The following NT5C1A variants were observed in gnomAD, a reference collection of about 807,000 sequenced individuals.
NT5C1A encodes the protein cytosolic 5'-nucleotidase 1A.
NT5C1A carries 18 observed loss-of-function variants against 31.0 expected under a neutral mutation model. The ratio of observed to expected loss-of-function variants is 0.58; its 90% confidence interval spans 0.40 to 0.86. The LOEUF is 0.86. Among genes scored for constraint, NT5C1A ranks in the 40% least tolerant of loss-of-function variants. The pLI, the probability that NT5C1A is intolerant of heterozygous loss-of-function variation, is 0.00. For missense variants in NT5C1A, 470 were observed against 505.4 expected (o/e 0.93, Z 0.67); for synonymous variants, 185 against 203.6 (o/e 0.91, Z 0.78).
rs558498780 is a variant in NT5C1A, at chr1:39,666,512, T to C, written c.136-276A>G. On this transcript the variant is annotated intron_variant, in intron 1 of 5. Transcript: ENST00000235628. ...GGAGTTTGCAATCTAGCCAGGCATC[T>C]GGACACAAGAAAAAAATGAAGCCAA... Among the ~76,000 whole-genome samples, 12 of 152,320 alleles carry C rather than the reference T, an allele frequency of 7.9e-5. No individual in the cohort carries two copies. The South Asian group carries it at 2.3e-3, about 29-fold the overall frequency.
chr1:39,664,682 AG>A (rs1646512357), intron 3 of NT5C1A, among the ~76,000 whole-genome samples: 1 of 149,672 alleles, frequency 6.7e-6, no homozygotes, highest in South Asian at 2.1e-4. Context: ...TAGTAGAGAC[AG>A]GGTTTTACCA....
At chr1:39,670,355 C>T (rs976488834) in intron 1 of NT5C1A, among the ~76,000 whole-genome samples, 19 of 152,184 alleles carry the variant, frequency 1.2e-4, no homozygotes, top group Non-Finnish European at 2.4e-4. Flanking sequence ...AATCTCAAGA[C>T]GCTCTTTGAT....
Position 39,663,181 on chromosome 1 carries a change from G to A in NT5C1A, c.556+131C>T, listed in dbSNP as rs957893103. The A allele has an allele frequency of 2.9e-5, 28 of 970,108 alleles. No homozygotes were observed. The African/African-American group carries it at 4.0e-4, about 14-fold the overall frequency. 60.1% of individuals were successfully genotyped at this position (970,108 alleles called of 1,614,324 possible). A position where few individuals can be genotyped will look rare whatever the true frequency, so the allele number is the denominator to read the frequency against. On this transcript the variant is annotated intron_variant, in intron 4 of 5. Coordinates refer to ENST00000235628, the MANE Select transcript of NT5C1A (RefSeq NM_032526.3). The stretch of plus-strand genomic sequence containing the variant: ...GGACAGATTATAAGAATTAAGGAAA[G>A]TATTGCTCAGCCTTGCCTTCTAGTT...
At position 39,671,831 on chromosome 1, in the gene NT5C1A, C is replaced by T. The variant is rs975922295; in HGVS notation, c.135+73G>A. ...CCCAGAGGGGCGCCACGGGTCCCTTCCCAAGAGACTTATGACCCCTCCTCC... is the reference window on the plus strand; with the variant it reads ...CCCAGAGGGGCGCCACGGGTCCCTTTCCAAGAGACTTATGACCCCTCCTCC... On this transcript the variant is annotated intron_variant, in intron 1 of 5. Transcript: ENST00000235628. 1.0e-5 allele frequency: 16 copies of T among 1,581,450 alleles called. No individual in the cohort carries two copies. In the South Asian group the frequency reaches 1.2e-4, roughly 12 times the overall value.
At chr1:39,662,016 T>C (rs979225968) in intron 4 of NT5C1A, among the ~76,000 whole-genome samples, 1 of 152,138 alleles carries the variant, frequency 6.6e-6, no homozygotes, top group Non-Finnish European at 1.5e-5. Context: ...CCTGGGCTCC[T>C]CCAGGGGTCC....
In NT5C1A at chr1:39,655,551, G is replaced by A. The variant is rs1285484276; in HGVS notation, c.*3570C>T. On this transcript the variant is annotated 3_prime_UTR_variant, in exon 6 of 6. Transcript: ENST00000235628. ...GAAGACCTCAGAATGGAGCTTCTCT[G>A]GCTATCTCCATGCATATGTATGAGC... is the stretch of plus-strand genomic sequence containing the variant. Among the ~76,000 whole-genome samples the A allele has an allele frequency of 6.6e-6, 1 of 152,156 alleles. No homozygotes were observed. The highest frequency in any genetic ancestry group is 2.1e-4 in the South Asian group (1 of 4,810).
rs1380246323 is a variant in NT5C1A, at chr1:39,652,644, CA to C, written c.*6476del. On this transcript the variant is annotated 3_prime_UTR_variant, in exon 6 of 6. Transcript: ENST00000235628. Reference sequence around the variant, plus strand: ...GGCCATGAAGGCATATATTCACCCACAGGCCAGGAGTGTGGGAGTCAGTGAC... The same window carrying C: ...GGCCATGAAGGCATATATTCACCCACGGCCAGGAGTGTGGGAGTCAGTGAC... Among the ~76,000 whole-genome samples the C allele has an allele frequency of 2.0e-5, 3 of 152,150 alleles. No homozygotes were observed. Among genetic ancestry groups the C allele is most frequent in the Non-Finnish European group, 4.4e-5 (3 of 68,038 alleles).
At position 39,672,042 on chromosome 1, in the gene NT5C1A, C is replaced by G; in HGVS notation, c.-4G>C. The G allele has an allele frequency of 6.3e-7, 1 of 1,590,036 alleles. No homozygotes were observed. Among genetic ancestry groups the G allele is most frequent in the Non-Finnish European group, 8.5e-7 (1 of 1,174,626 alleles). ...CCCGGGGCTGCCCAGGTTCCATGCT[C>G]CGGCTCTGACCCGGCCCGGCCAGAG... On this transcript the variant is annotated 5_prime_UTR_variant, in exon 1 of 6. Transcript: ENST00000235628.
rs1646555832 is a variant in NT5C1A, at chr1:39,672,064, A to G, written c.-26T>C. The G allele has an allele frequency of 6.5e-7, 1 of 1,547,454 alleles. No homozygotes were observed. The highest frequency in any genetic ancestry group is 1.9e-5 in the Admixed American group (1 of 51,662). On this transcript the variant is annotated 5_prime_UTR_variant, in exon 1 of 6. Coordinates refer to ENST00000235628, the MANE Select transcript of NT5C1A (RefSeq NM_032526.3). ...GCTCCGGCTCTGACCCGGCCCGGCCAGAGCAGGCGGCGGCGTAGACGCGGA... is the reference window on the plus strand; with the variant it reads ...GCTCCGGCTCTGACCCGGCCCGGCCGGAGCAGGCGGCGGCGTAGACGCGGA...
At chr1:39,664,490 C>CCTCCTCCCCTCTCCTCTCCT (rs1553485420) in intron 3 of NT5C1A, among the ~76,000 whole-genome samples, 1 of 2,900 alleles carries the variant, frequency 3.4e-4, no homozygotes, top group African/African-American at 1.8e-3. Flanking sequence ...GTGGATTTCT[C>CCTCCTCCCCTCTCCTCTCCT]CTCCTCTCCT....
intron 5 of NT5C1A, among the ~76,000 whole-genome samples, chr1:39,660,676 A>G (rs1028366390): frequency 6.6e-6 from 1 of 152,032 alleles, no homozygotes; most frequent in Non-Finnish European, 1.5e-5. Context: ...AGGGTTCCAG[A>G]GAGAGAATGG....
At chr1:39,665,489 G>T in intron 3 of NT5C1A, 32 bp downstream of exon 3, 1 of 1,588,658 alleles carries the variant, frequency 6.3e-7, no homozygotes, top group Non-Finnish European at 8.6e-7. Flanking sequence ...GGTGTCCCAG[G>T]GCAAACCCCC....
rs1176997030 is a variant in NT5C1A at position 39,658,574 on chromosome 1, A to C, written c.*547T>G. Among the ~76,000 whole-genome samples the C allele has an allele frequency of 6.6e-6, 1 of 152,210 alleles. No individual in the cohort carries two copies. The highest frequency in any genetic ancestry group is 1.5e-5 in the Non-Finnish European group (1 of 68,042). ...TAATTTGCACAAAGGTGCCATACAT[A>C]CCAGCAGCAGCACTGACACAGAATG... On this transcript the variant is annotated 3_prime_UTR_variant, in exon 6 of 6. Coordinates refer to ENST00000235628, the MANE Select transcript of NT5C1A (RefSeq NM_032526.3).
chr1:39,665,735 G>A, intron 2 of NT5C1A, 85 bp from the exon 3 acceptor site: 1 of 1,379,362 alleles, frequency 7.2e-7, no homozygotes, highest in Non-Finnish European at 1.0e-6. Flanking sequence ...GAGGGGAGGT[G>A]AGGAGCCATG....
chr1:39,667,223 T>C (rs562130996), intron 1 of NT5C1A, among the ~76,000 whole-genome samples: 2 of 136,962 alleles, frequency 1.5e-5, no homozygotes, highest in African/African-American at 5.6e-5. Flanking sequence ...TTTTCTGAGA[T>C]GGAGTTTCAC....
In NT5C1A at chr1:39,656,716, C is replaced by G. The variant is rs774928745; in HGVS notation, c.*2405G>C. The stretch of plus-strand genomic sequence containing the variant: ...GCCGTCCCCAGTGCACAGGTCCACC[C>G]TGGTCAGTCAGCCTGTTGCCATGCT... On this transcript the variant is annotated 3_prime_UTR_variant, in exon 6 of 6. Transcript: ENST00000235628. Among the ~76,000 whole-genome samples the G allele has an allele frequency of 1.1e-4, 16 of 152,270 alleles. No individual in the cohort carries two copies. Among genetic ancestry groups the G allele is most frequent in the Non-Finnish European group, 1.8e-4 (12 of 68,046 alleles).
At chr1:39,659,536 T>C in intron 5 of NT5C1A, 50 bp from the exon 6 acceptor site, 1 of 1,514,708 alleles carries the variant, frequency 6.6e-7, no homozygotes, top group Non-Finnish European at 8.8e-7. Flanking sequence ...TCCTAAATAT[T>C]TGCCCCCTGC....
In NT5C1A at chr1:39,659,348, T is replaced by G; in HGVS notation, c.880A>C (p.Lys294Gln). The G allele has an allele frequency of 6.2e-7, 1 of 1,613,890 alleles. No individual in the cohort carries two copies. Among genetic ancestry groups the G allele is most frequent in the Non-Finnish European group, 8.5e-7 (1 of 1,180,016 alleles). The change falls in exon 6 of 6, where the codon AAG (lysine) becomes CAG (glutamine). Residue 294 changes from lysine to glutamine, a missense_variant. Physicochemically the swap from Lys to Gln is moderately conservative, Grantham distance 53. Transcript: ENST00000235628. ...TCCAGGCCCCAGCTGCGCAGGGTCT[T>G]GAGAGCCCGGGCCCCGGAACTGGCT... ...SAASSGARALKTLRSWGLETD... is the reference protein window; with the variant it reads ...SAASSGARALQTLRSWGLETD...
chr1:39,666,826 G>A (rs1365921286), intron 1 of NT5C1A, among the ~76,000 whole-genome samples: 1 of 152,130 alleles, frequency 6.6e-6, no homozygotes, highest in Non-Finnish European at 1.5e-5. Flanking sequence ...GCAAGGCTTA[G>A]AACCACTATC....
Sources: gnomAD v4.1 joint callset for allele counts (sites outside exome capture counted in the v4.1 genomes callset) on GRCh38, gnomAD v4.1.1 for gene constraint, MANE v1.5 for transcripts, NCBI Gene and HGNC (gene_info 2026-07-23, HGNC 2026-07-21) for gene names.